POC5: variants seen among roughly 807,000 people sequenced by gnomAD.
POC5 encodes the protein POC5 centriolar protein, also known as centrosomal protein POC5.
A neutral mutation model predicts 62.9 loss-of-function variants in POC5; 48 were observed. The observed-to-expected ratio is 0.76, with a 90% confidence interval of 0.61 to 0.97. POC5 has a LOEUF of 0.97. Ranked by LOEUF, POC5 falls within the 50% of genes least tolerant of loss-of-function variation. POC5 has a pLI of 0.00. For missense variants in POC5, 696 were observed against 679.5 expected, an observed-to-expected ratio of 1.02 and a Z score of -0.27; for synonymous variants, 236 against 228.2, an observed-to-expected ratio of 1.03 and a Z score of -0.31.
chr5:75,711,206 A>G (rs35844026), intron 2 of POC5, among the ~76,000 whole-genome samples: 1 of 152,220 alleles, frequency 6.6e-6, no homozygotes, highest in Non-Finnish European at 1.5e-5. Flanking sequence ...ATCAAAATAA[A>G]CAATATTGGC....
chr5:75,694,539 T>G, intron 6 of POC5, 116 bp downstream of exon 6: 1 of 829,872 alleles, frequency 1.2e-6, no homozygotes, highest in Non-Finnish European at 1.8e-6. Flanking sequence ...TGAATTTTTC[T>G]GTCAGTTTCT....
chr5:75,712,619 TG>T (rs1180153382), intron 2 of POC5: 1 of 775,896 alleles, frequency 1.3e-6, no homozygotes, highest in Non-Finnish European at 2.1e-6. Flanking sequence ...CTTACTGTGT[TG>T]GTTGAAGCCT....
At position 75,704,258 on chromosome 5, in the gene POC5, T is replaced by G. The variant is rs531042278; in HGVS notation, c.307+1446A>C. Among the ~76,000 whole-genome samples, 13 of 152,338 alleles carry G rather than the reference T, an allele frequency of 8.5e-5. 1 individual carries two copies. The highest frequency in any genetic ancestry group is 2.0e-4 in the Admixed American group (3 of 15,300). ...CATCACTTGTCACATATCTCACATT[T>G]GCTACGAGCATCCTAATAACAAAGA... is the stretch of plus-strand genomic sequence containing the variant. On this transcript the variant is annotated intron_variant, in intron 4 of 11. Transcript: ENST00000428202.
chr5:75,684,432 C>T (rs1483702450), intron 10 of POC5, among the ~76,000 whole-genome samples: 3 of 135,662 alleles, frequency 2.2e-5, no homozygotes, highest in Non-Finnish European at 3.2e-5. Flanking sequence ...ATGGCATCAT[C>T]TTGGCTCACT....
At chr5:75,690,636 C>T (rs1362111265) in intron 7 of POC5, 74 bp from the exon 8 acceptor site, 1 of 1,193,868 alleles carries the variant, frequency 8.4e-7, no homozygotes, top group African/African-American at 1.5e-5. Context: ...ATAAACATAA[C>T]ATGGTGGTAA....
chr5:75,696,356 C>T (rs1776586032), intron 5 of POC5, among the ~76,000 whole-genome samples: 1 of 152,210 alleles, frequency 6.6e-6, no homozygotes, highest in Admixed American at 6.5e-5. Flanking sequence ...CAGCACGCAG[C>T]TGGAGATCTG....
intron 2 of POC5, among the ~76,000 whole-genome samples, chr5:75,711,574 T>G (rs1317066912): frequency 6.6e-6 from 1 of 152,258 alleles, no homozygotes; most frequent in African/African-American, 2.4e-5. Flanking sequence ...GTATTTTATG[T>G]TATTTTTAAG....
At chr5:75,680,577 G>T (rs1204203596) in intron 10 of POC5, among the ~76,000 whole-genome samples, 1 of 152,002 alleles carries the variant, frequency 6.6e-6, no homozygotes, top group Non-Finnish European at 1.5e-5. Flanking sequence ...ACTTGTACTT[G>T]TTAATGTTTA....
chr5:75,680,363 T>G (rs2112079642), intron 10 of POC5, among the ~76,000 whole-genome samples: 1 of 152,162 alleles, frequency 6.6e-6, no homozygotes, highest in African/African-American at 2.4e-5. Flanking sequence ...GCAGGAAAAA[T>G]GCTCATAGAT....
rs200890988 is a variant in POC5 at position 75,686,787 on chromosome 5, A to AT, written c.1130-1304dup. On this transcript the variant is annotated intron_variant, in intron 9 of 11. Transcript: ENST00000428202. ...GGAATAAATTTTTCACTTGTCAAGTATTTTTTTTTACTGTGCCTAATTGGC... is the reference window on the plus strand; with the variant it reads ...GGAATAAATTTTTCACTTGTCAAGTATTTTTTTTTTACTGTGCCTAATTGGC... 2.3e-4 allele frequency among the ~76,000 whole-genome samples: 35 copies of AT among 151,192 alleles called. No individual in the cohort carries two copies. In the South Asian group the frequency reaches 2.9e-3, roughly 13 times the overall value.
rs1461739841 is a variant in POC5, at chr5:75,690,401, A to G, written c.957T>C (p.Tyr319=). 5 of 1,610,274 alleles carry G rather than the reference A, an allele frequency of 3.1e-6. No individual in the cohort carries two copies. The highest frequency in any genetic ancestry group is 3.4e-6 in the Non-Finnish European group (4 of 1,178,456). The stretch of plus-strand genomic sequence containing the variant: ...TGCTTACCATAGCAACTTTGGCTTC[A>G]TAATCATTGGAAATCTGGATACAAA... The part of the protein sequence containing the change: ...EEVCIQISND[Y]EAKVAMLSGA... The change falls in exon 8 of 12, where the codon TAT becomes TAC. Residue 319 remains tyrosine, a synonymous_variant. Transcript: ENST00000428202.
intron 8 of POC5, chr5:75,689,462 T>C (rs1776227861): frequency 1.0e-6 from 1 of 984,572 alleles, no homozygotes; most frequent in African/African-American, 1.7e-5. Context: ...CATTTTTTAC[T>C]GTAAAACTTT....
At chr5:75,694,303 A>G (rs1041745691) in intron 6 of POC5, among the ~76,000 whole-genome samples, 1 of 152,244 alleles carries the variant, frequency 6.6e-6, no homozygotes, top group African/African-American at 2.4e-5. Flanking sequence ...AGGATTAGAA[A>G]GAAAAAAACT....
At chr5:75,698,567 A>G (rs949617017) in intron 5 of POC5, among the ~76,000 whole-genome samples, 1 of 152,174 alleles carries the variant, frequency 6.6e-6, no homozygotes, top group Non-Finnish European at 1.5e-5. Context: ...CATTCAATGC[A>G]GTGTGTAGAG....
chr5:75,687,600 T>G (rs1422869759), intron 9 of POC5, among the ~76,000 whole-genome samples: 1 of 152,228 alleles, frequency 6.6e-6, no homozygotes, highest in Non-Finnish European at 1.5e-5. Context: ...AGACATTTTC[T>G]TCAAATCCTC....
intron 1 of POC5, among the ~76,000 whole-genome samples, chr5:75,713,291 C>G (rs1189509970): frequency 6.6e-6 from 1 of 152,176 alleles, no homozygotes; most frequent in Non-Finnish European, 1.5e-5. Context: ...CAAGAGAGAA[C>G]AAACAATTTG....
intron 10 of POC5, among the ~76,000 whole-genome samples, chr5:75,683,725 G>C (rs965392380): frequency 1.3e-5 from 2 of 151,212 alleles, no homozygotes; most frequent in Non-Finnish European, 2.9e-5. Context: ...AAAAATTAGA[G>C]ACAGGGTCTT....
At chr5:75,678,534 T>G (rs1775760099) in intron 10 of POC5, among the ~76,000 whole-genome samples, 1 of 152,202 alleles carries the variant, frequency 6.6e-6, no homozygotes. Flanking sequence ...TCTTTGATCC[T>G]TAAGCATAAT....
intron 6 of POC5, among the ~76,000 whole-genome samples, chr5:75,693,030 A>G (rs1162926513): frequency 1.4e-5 from 2 of 147,296 alleles, no homozygotes; most frequent in African/African-American, 2.5e-5. Flanking sequence ...ATATAACTAT[A>G]TATTATATAT....
Sources: allele counts gnomAD v4.1 joint callset (sites outside exome capture counted in the v4.1 genomes callset), GRCh38; gene constraint gnomAD v4.1.1; transcripts MANE v1.5; gene names NCBI Gene and HGNC (gene_info 2026-07-23, HGNC 2026-07-21).